Variants in PDZD2 observed in about 807,000 individuals in gnomAD.
PDZD2 encodes PDZ domain containing 2.
A neutral mutation model predicts 220.7 loss-of-function variants in PDZD2; 90 were observed. The ratio of observed to expected loss-of-function variants is 0.41; its 90% CI spans 0.34 to 0.49. The LOEUF (loss-of-function observed/expected upper bound fraction) is 0.49, where lower values mean the gene tolerates loss of function less well. Among genes scored for constraint, PDZD2 ranks in the 20% least tolerant of loss-of-function variants. PDZD2 has a pLI of 0.28. For synonymous variants in PDZD2, 1,375 were observed against 1,450.5 expected (o/e 0.95, Z 1.18); for missense variants, 3,174 against 3,608.5 (o/e 0.88, Z 3.08).
intron 2 of PDZD2, among the ~76,000 whole-genome samples, chr5:31,926,641 A>G (rs965395297): frequency 6.6e-6 from 1 of 152,146 alleles, no homozygotes; most frequent in Non-Finnish European, 1.5e-5. Flanking sequence ...TAGTTTGACC[A>G]CTGTGGAAAG....
At chr5:31,753,740 G>A (rs1468584119) in intron 1 of PDZD2, among the ~76,000 whole-genome samples, 1 of 152,216 alleles carries the variant, frequency 6.6e-6, no homozygotes, top group Non-Finnish European at 1.5e-5. Flanking sequence ...ATTTCTAGAT[G>A]TTAGCAAGTG....
intron 1 of PDZD2, among the ~76,000 whole-genome samples, chr5:31,746,851 G>A (rs1223460768): frequency 6.6e-6 from 1 of 152,228 alleles, no homozygotes; most frequent in Non-Finnish European, 1.5e-5. Flanking sequence ...GTTAACAAGA[G>A]AAAAGCATAC....
chr5:31,910,217 ATTTTTTTTT>A (rs70957978), intron 2 of PDZD2, among the ~76,000 whole-genome samples: 5 of 106,820 alleles, frequency 4.7e-5, no homozygotes, highest in Non-Finnish European at 8.8e-5. Flanking sequence ...GAGTTCCTGC[ATTTTTTTTT>A]TTTTTTTTTT....
At chr5:31,855,626 CTG>C (rs1758384032) in intron 2 of PDZD2, among the ~76,000 whole-genome samples, 1 of 152,214 alleles carries the variant, frequency 6.6e-6, no homozygotes, top group Non-Finnish European at 1.5e-5. Flanking sequence ...AGCAGAATGA[CTG>C]AGACGGAGCA....
At chr5:31,925,812 A>G (rs1040298291) in intron 2 of PDZD2, among the ~76,000 whole-genome samples, 1 of 152,156 alleles carries the variant, frequency 6.6e-6, no homozygotes, top group Non-Finnish European at 1.5e-5. Flanking sequence ...ACAGGAAAAG[A>G]CATTTCTCAG....
Position 31,867,735 on chromosome 5 carries a change from G to A in PDZD2, c.476+68011G>A, listed in dbSNP as rs549815065. On this transcript the variant is annotated intron_variant, in intron 2 of 24. Transcript: ENST00000438447. ...CCTGAGAGCAAGCTGAGGTCTGTGT[G>A]TGATGAGGTGAATCCTAGTTACTGA... 1.0e-3 allele frequency among the ~76,000 whole-genome samples: 157 copies of A among 152,296 alleles called. 1 individual carries two copies. Among genetic ancestry groups the A allele is most frequent in the African/African-American group, 3.6e-3 (151 of 41,564 alleles).
intron 19 of PDZD2, among the ~76,000 whole-genome samples, chr5:32,085,449 A>ATTT (rs760556899): frequency 6.8e-6 from 1 of 146,864 alleles, no homozygotes. Flanking sequence ...ATACCTTATT[A>ATTT]TTATTTTTTT....
chr5:31,691,423 G>T (rs1384567235), intron 1 of PDZD2, among the ~76,000 whole-genome samples: 1 of 152,118 alleles, frequency 6.6e-6, no homozygotes, highest in African/African-American at 2.4e-5. Flanking sequence ...AAGGGGGCCC[G>T]AACAGGTTGC....
chr5:31,797,892 T>A (rs777563605), intron 1 of PDZD2, among the ~76,000 whole-genome samples: 1 of 152,118 alleles, frequency 6.6e-6, no homozygotes, highest in Non-Finnish European at 1.5e-5. Flanking sequence ...GATGGCACGG[T>A]TTATATTGAT....
At chr5:31,676,374 C>T (rs1746417381) in intron 1 of PDZD2, among the ~76,000 whole-genome samples, 1 of 152,042 alleles carries the variant, frequency 6.6e-6, no homozygotes, top group Non-Finnish European at 1.5e-5. Context: ...CACCGAAGGC[C>T]TCAGAGGTCA....
chr5:32,108,223 A>G lies in PDZD2; in HGVS notation c.*88A>G, dbSNP rs1744989313. 9 of 817,708 alleles carry G rather than the reference A, an allele frequency of 1.1e-5. No homozygotes were observed. In the East Asian group the frequency reaches 2.4e-4, roughly 22 times the overall value. The allele number at this position is 817,708 out of a possible 1,614,324, so 50.7% of individuals were successfully genotyped here. A position where few individuals can be genotyped will look rare whatever the true frequency, so the allele number is the denominator to read the frequency against. ...AAACCACAGGTTGTTGAAATGGCCAACACTGGTACAGACACGGACTATAAA... is the reference window on the plus strand; with the variant it reads ...AAACCACAGGTTGTTGAAATGGCCAGCACTGGTACAGACACGGACTATAAA... On this transcript the variant is annotated 3_prime_UTR_variant, in exon 25 of 25. Transcript: ENST00000438447.
At chr5:31,788,886 C>G (rs1201798368) in intron 1 of PDZD2, among the ~76,000 whole-genome samples, 3 of 152,108 alleles carry the variant, frequency 2.0e-5, no homozygotes, top group Admixed American at 6.6e-5. Context: ...TATTTTTTGG[C>G]AACCCTCAAA....
chr5:32,015,869 G>T (rs1274119110), intron 6 of PDZD2, among the ~76,000 whole-genome samples: 4 of 152,142 alleles, frequency 2.6e-5, no homozygotes, highest in Non-Finnish European at 4.4e-5. Context: ...AAAAATGGAA[G>T]TAATGGTTGT....
chr5:32,100,782 C>T lies in PDZD2; in HGVS notation c.8219-323C>T, dbSNP rs1385478700. On this transcript the variant is annotated intron_variant, in intron 23 of 24. Transcript: ENST00000438447. Reference sequence around the variant, plus strand: ...CAGTCCTCACTGAGAAGTGCACAGCCGGTGTGGGGGGCTTAACAAGAGCAC... The same window carrying T: ...CAGTCCTCACTGAGAAGTGCACAGCTGGTGTGGGGGGCTTAACAAGAGCAC... 59 of 761,186 alleles carry T rather than the reference C, an allele frequency of 7.8e-5. 1 individual carries two copies. The highest frequency in any genetic ancestry group is 6.3e-4 in the South Asian group (44 of 69,724). The allele number at this position is 761,186 out of a possible 1,614,324, so 47.2% of individuals were successfully genotyped here.
chr5:31,829,731 T>A (rs1756450416), intron 2 of PDZD2, among the ~76,000 whole-genome samples: 1 of 152,122 alleles, frequency 6.6e-6, no homozygotes, highest in Non-Finnish European at 1.5e-5. Context: ...TTTACCAAAG[T>A]AAAGTGGTAT....
chr5:31,840,916 T>C (rs1208719506), intron 2 of PDZD2: 4 of 541,822 alleles, frequency 7.4e-6, no homozygotes, highest in Non-Finnish European at 1.3e-5. Flanking sequence ...CCATGTTTTC[T>C]TAAAGGCCTG....
At position 32,074,407 on chromosome 5, in the gene PDZD2, A is replaced by G; in HGVS notation, c.3301A>G (p.Thr1101Ala). ...VRTDTQSPTN[T>A]GSPSSPQQKS... ...TACAGACACCCAGAGTCCGACGAAC[A>G]CTGGGAGCCCCAGTTCCCCCCAGCA... Residue 1101 changes from threonine (T) to alanine (A), a missense_variant, in exon 18 of 25, where the codon ACT (threonine) becomes GCT (alanine). This residue lies in a region of PDZD2 where 1,861 missense variants were observed against 2,001.0 expected (regional missense o/e 0.93). Transcript: ENST00000438447. The G allele has an allele frequency of 6.2e-7, 1 of 1,614,032 alleles. No individual in the cohort carries two copies. Among genetic ancestry groups the G allele is most frequent in the South Asian group, 1.1e-5 (1 of 91,088 alleles).
chr5:32,039,311 T>C (rs1172130596), intron 7 of PDZD2, among the ~76,000 whole-genome samples: 1 of 151,904 alleles, frequency 6.6e-6, no homozygotes, highest in African/African-American at 2.4e-5. Context: ...TTCGCCGCGT[T>C]GACCGGGCTG....
Position 31,646,045 on chromosome 5 carries a change from CG to C in PDZD2, c.-361+6615del, listed in dbSNP as rs34032161. Among the ~76,000 whole-genome samples, 104,811 of 151,616 alleles carry C rather than the reference CG, an allele frequency of 0.69. 41,238 individuals are homozygous for C. The highest frequency in any genetic ancestry group is 0.89 in the Non-Finnish European group (60,534 of 67,938). On this transcript the variant is annotated intron_variant, in intron 1 of 24. Transcript: ENST00000438447. This position sits in a 1 kb window ranked among gnomAD's most constrained non-coding sequence, Gnocchi z 4.7. ...GAGGGTGTCAGGGAGCTTTGCACTG[CG>C]GGGGGGCCTTCTCACTACTGTCACT...
Sources: allele counts gnomAD v4.1 joint callset (sites outside exome capture counted in the v4.1 genomes callset), GRCh38; gene constraint gnomAD v4.1.1; regional missense constraint gnomAD v4.1.1; non-coding constraint Gnocchi (gnomAD v3.1); transcripts MANE v1.5; gene names NCBI Gene and HGNC (gene_info 2026-07-23, HGNC 2026-07-21).